Variants in CLSTN2 observed in about 807,000 individuals in gnomAD.
CLSTN2 encodes the protein calsyntenin-2.
CLSTN2 carries 48 observed loss-of-function variants against 101.2 expected under a neutral mutation model. The ratio of observed to expected loss-of-function variants is 0.47; its 90% CI spans 0.38 to 0.60. The LOEUF is 0.60. CLSTN2 is among the 20% of genes least tolerant of loss of function. CLSTN2 has a pLI of 0.00. For missense variants in CLSTN2, 1,160 were observed against 1,238.2 expected (o/e 0.94, Z 0.95); for synonymous variants, 481 against 463.6 (o/e 1.04, Z -0.48).
intron 1 of CLSTN2, among the ~76,000 whole-genome samples, chr3:140,127,900 C>A (rs879923936): frequency 6.6e-6 from 1 of 152,138 alleles, no homozygotes; most frequent in Non-Finnish European, 1.5e-5. Context: ...CAAACCCTGG[C>A]AATACCACAC....
At chr3:140,543,456 CTT>C (rs1935526814) in intron 9 of CLSTN2, among the ~76,000 whole-genome samples, 1 of 152,220 alleles carries the variant, frequency 6.6e-6, no homozygotes, top group African/African-American at 2.4e-5. Context: ...TCAAAAGAAA[CTT>C]ATCCTTTATT....
chr3:140,492,826 G>C (rs182024650), intron 8 of CLSTN2, among the ~76,000 whole-genome samples: 1 of 152,286 alleles, frequency 6.6e-6, no homozygotes, highest in East Asian at 1.9e-4. Context: ...TGGTTGGATG[G>C]ATGGATGGAT....
At chr3:140,262,806 C>G (rs1371775082) in intron 2 of CLSTN2, among the ~76,000 whole-genome samples, 1 of 152,060 alleles carries the variant, frequency 6.6e-6, no homozygotes, top group Non-Finnish European at 1.5e-5. Flanking sequence ...AGGACAGATT[C>G]TCCAGTAGAA....
In CLSTN2 at chr3:140,240,174, C is replaced by CTA. The variant is rs1226140178; in HGVS notation, c.232+64126_232+64127dup. On this transcript the variant is annotated intron_variant, in intron 2 of 16. Coordinates refer to ENST00000458420, the MANE Select transcript of CLSTN2 (RefSeq NM_022131.3). ...TCTGTCTCTCTCTCTCTCTCTCTCT[C>CTA]TATATATATATATATATATATATAT... Among the ~76,000 whole-genome samples, 72 of 13,330 alleles carry CTA rather than the reference C, an allele frequency of 5.4e-3. 2 individuals are homozygous for CTA. Among genetic ancestry groups the CTA allele is most frequent in the Middle Eastern group, 0.17 (1 of 6 alleles). The allele number at this position is 13,330 out of a possible 152,430, so 8.7% of individuals were successfully genotyped here. A position where few individuals can be genotyped will look rare whatever the true frequency, so the allele number is the denominator to read the frequency against.
chr3:140,241,880 T>A (rs7651250), intron 2 of CLSTN2, among the ~76,000 whole-genome samples: 2 of 140,072 alleles, frequency 1.4e-5, no homozygotes, highest in East Asian at 4.1e-4. Flanking sequence ...CATATATATA[T>A]ACACACACAC....
At chr3:139,980,209 T>C (rs1169446437) in intron 1 of CLSTN2, among the ~76,000 whole-genome samples, 1 of 152,064 alleles carries the variant, frequency 6.6e-6, no homozygotes, top group Non-Finnish European at 1.5e-5. Context: ...ATGTTTCACA[T>C]GAACTGGCCA....
At chr3:140,511,642 C>T (rs1037300698) in intron 8 of CLSTN2, among the ~76,000 whole-genome samples, 20 of 149,674 alleles carry the variant, frequency 1.3e-4, no homozygotes, top group Admixed American at 1.0e-3. Flanking sequence ...CTCTGCCTCC[C>T]GGGTTCACGC....
At chr3:139,954,297 G>A (rs1453829583) in intron 1 of CLSTN2, among the ~76,000 whole-genome samples, 1 of 152,152 alleles carries the variant, frequency 6.6e-6, no homozygotes, top group Non-Finnish European at 1.5e-5. Flanking sequence ...AGGTTTGTGG[G>A]GCATTTGGAG....
chr3:140,075,648 G>C (rs1576418179), intron 1 of CLSTN2, among the ~76,000 whole-genome samples: 1 of 152,200 alleles, frequency 6.6e-6, no homozygotes, highest in Admixed American at 6.5e-5. Flanking sequence ...GGATATTAAG[G>C]TTAGAGACTT....
intron 2 of CLSTN2, among the ~76,000 whole-genome samples, chr3:140,301,759 C>A (rs1447577424): frequency 1.3e-5 from 2 of 152,118 alleles, no homozygotes; most frequent in African/African-American, 4.8e-5. Context: ...GCAGGGAGAC[C>A]AGGTACTCCT....
At chr3:140,127,522 C>T (rs1248601157) in intron 1 of CLSTN2, among the ~76,000 whole-genome samples, 1 of 152,074 alleles carries the variant, frequency 6.6e-6, no homozygotes, top group Non-Finnish European at 1.5e-5. Context: ...GGGCGGTGCA[C>T]AACAGGTGAC....
intron 8 of CLSTN2, among the ~76,000 whole-genome samples, chr3:140,517,575 GATT>G (rs1934943899): frequency 6.6e-6 from 1 of 152,092 alleles, no homozygotes; most frequent in Non-Finnish European, 1.5e-5. Flanking sequence ...AAATTGCAGT[GATT>G]ATTATTTTTC....
chr3:140,462,747 C>T (rs934149148), intron 7 of CLSTN2: 2 of 152,138 alleles, frequency 1.3e-5, no homozygotes, highest in Non-Finnish European at 2.9e-5. Context: ...AGCAGCCCCA[C>T]ATGGGTCTGG....
intron 2 of CLSTN2, among the ~76,000 whole-genome samples, chr3:140,342,354 G>A (rs146071036): frequency 5.9e-5 from 9 of 151,974 alleles, no homozygotes; most frequent in Admixed American, 1.3e-4. Context: ...GGACAAAATC[G>A]CTCTCACTTG....
intron 2 of CLSTN2, among the ~76,000 whole-genome samples, chr3:140,251,528 T>G (rs908898913): frequency 6.6e-6 from 1 of 151,848 alleles, no homozygotes; most frequent in East Asian, 1.9e-4. Flanking sequence ...GATACCTGAT[T>G]GTTTGATGGA....
rs1456822779 is a variant in CLSTN2, at chr3:140,459,511, C to T, written c.974-10C>T. 6.2e-7 allele frequency: 1 copy of T among 1,613,284 alleles called. No individual in the cohort carries two copies. Among genetic ancestry groups the T allele is most frequent in the East Asian group, 2.2e-5 (1 of 44,854 alleles). On this transcript the variant is annotated splice_polypyrimidine_tract_variant and intron_variant, in intron 6 of 16. Transcript: ENST00000458420. Reference sequence around the variant, plus strand: ...TGACCTGTTATCCTTTCTTTCCTGACCCTCTGCAGGAGCCTCCTCTGGCAT... The same window carrying T: ...TGACCTGTTATCCTTTCTTTCCTGATCCTCTGCAGGAGCCTCCTCTGGCAT...
intron 1 of CLSTN2, among the ~76,000 whole-genome samples, chr3:140,084,375 C>T (rs2008646501): frequency 6.6e-6 from 1 of 152,130 alleles, no homozygotes; most frequent in Non-Finnish European, 1.5e-5. Context: ...AACATGAGGT[C>T]CTTATTCAGC....
At chr3:140,559,804 T>G (rs1158825703) in intron 12 of CLSTN2, among the ~76,000 whole-genome samples, 2 of 152,146 alleles carry the variant, frequency 1.3e-5, no homozygotes, top group Non-Finnish European at 2.9e-5. Context: ...AATTACCTAT[T>G]GCCTTAAACC....
At chr3:140,354,302 GT>G (rs1387246541) in intron 2 of CLSTN2, among the ~76,000 whole-genome samples, 1 of 152,138 alleles carries the variant, frequency 6.6e-6, no homozygotes, top group Non-Finnish European at 1.5e-5. Context: ...TGCACCTCCT[GT>G]TTGTTTATCA....
Sources: allele counts gnomAD v4.1 joint callset (sites outside exome capture counted in the v4.1 genomes callset), GRCh38; gene constraint gnomAD v4.1.1; transcripts MANE v1.5; gene names NCBI Gene and HGNC (gene_info 2026-07-23, HGNC 2026-07-21).